The following MECOM variants were observed in gnomAD, a reference collection of about 807,000 sequenced individuals.
MECOM encodes histone-lysine N-methyltransferase MECOM.
Under a neutral mutation model 116.3 loss-of-function variants are expected in MECOM, and 13 were observed. The observed-to-expected ratio is 0.11, with a 90% CI of 0.07 to 0.18. The LOEUF is 0.18. Ranked by LOEUF, MECOM falls within the 10% of genes least tolerant of loss-of-function variation. The probability of loss-of-function intolerance (pLI) is 1.00; values close to 1 mark genes in which losing one functional copy is unlikely to be tolerated. For missense variants in MECOM, 1,299 were observed against 1,509.0 expected (o/e 0.86, Z 2.31); for synonymous variants, 528 against 535.2 (o/e 0.99, Z 0.19).
chr3:169,097,842 G>A lies in MECOM; in HGVS notation c.2850-2597C>T, dbSNP rs1237922071. The stretch of plus-strand genomic sequence containing the variant: ...TAAAAAAAAAAAAAAAAAAAAAAAG[G>A]TGGATTCCACTGTCAAGGAGCTTGT... On this transcript the variant is annotated intron_variant, in intron 12 of 16. Coordinates refer to ENST00000651503, the MANE Select transcript of MECOM (RefSeq NM_004991.4). 1.4e-4 allele frequency among the ~76,000 whole-genome samples: 7 copies of A among 51,708 alleles called. No homozygotes were observed. In the Admixed American group the frequency reaches 1.7e-3, roughly 13 times the overall value. 33.9% of individuals were successfully genotyped at this position (51,708 alleles called of 152,430 possible). A position where few individuals can be genotyped will look rare whatever the true frequency, so the allele number is the denominator to read the frequency against.
intron 12 of MECOM, among the ~76,000 whole-genome samples, chr3:169,098,291 T>C (rs1482543769): frequency 6.6e-6 from 1 of 152,226 alleles, no homozygotes; most frequent in Admixed American, 6.5e-5. Context: ...CTGTCATGTC[T>C]CCTTAGTTTT....
In MECOM at chr3:169,584,513, A is replaced by C. The variant is rs535072284; in HGVS notation, c.37+78823T>G. On this transcript the variant is annotated intron_variant, in intron 1 of 16. Coordinates refer to ENST00000651503, the MANE Select transcript of MECOM (RefSeq NM_004991.4). ...CCAAGAGGTGGAGCTTGCAGTGAGCAGAGATGGCGCCGCTGCACTCCAGCC... is the reference window on the plus strand; with the variant it reads ...CCAAGAGGTGGAGCTTGCAGTGAGCCGAGATGGCGCCGCTGCACTCCAGCC... Among the ~76,000 whole-genome samples the C allele has an allele frequency of 7.7e-4, 117 of 151,290 alleles. 1 individual carries two copies. The highest frequency in any genetic ancestry group is 1.5e-3 in the South Asian group (7 of 4,772).
intron 2 of MECOM, among the ~76,000 whole-genome samples, chr3:169,186,241 G>A (rs915780669): frequency 6.6e-6 from 1 of 151,642 alleles, no homozygotes; most frequent in Non-Finnish European, 1.5e-5. Context: ...CAGTATATGG[G>A]CTAAAACATT....
intron 1 of MECOM, among the ~76,000 whole-genome samples, chr3:169,514,665 G>A (rs1246777878): frequency 1.3e-5 from 2 of 152,128 alleles, no homozygotes; most frequent in Non-Finnish European, 2.9e-5. Context: ...TCTTGCATGC[G>A]ATAGGACAGT....
intron 1 of MECOM, among the ~76,000 whole-genome samples, chr3:169,411,548 C>T (rs567294339): frequency 5.3e-5 from 8 of 152,300 alleles, no homozygotes; most frequent in Middle Eastern, 3.4e-3. Flanking sequence ...TCCTGACGTC[C>T]GCACTCTGAG....
At chr3:169,445,692 G>A (rs188520073) in intron 1 of MECOM, among the ~76,000 whole-genome samples, 162 of 152,222 alleles carry the variant, frequency 1.1e-3, no homozygotes, top group Non-Finnish European at 1.1e-3. Context: ...TAGATCCACC[G>A]ACAGCTTGCC....
At chr3:169,370,376 A>G (rs1186316473) in intron 2 of MECOM, among the ~76,000 whole-genome samples, 1 of 152,054 alleles carries the variant, frequency 6.6e-6, no homozygotes. Flanking sequence ...AACTCAACTC[A>G]AAATGGATTA....
chr3:169,389,642 C>T (rs1733921041), intron 1 of MECOM: 6 of 956,892 alleles, frequency 6.3e-6, no homozygotes, highest in Non-Finnish European at 7.5e-6. Context: ...AAAGTAGAAC[C>T]GTCCTGAATT....
chr3:169,356,662 C>T (rs550625656), intron 2 of MECOM, among the ~76,000 whole-genome samples: 4 of 152,046 alleles, frequency 2.6e-5, no homozygotes, highest in Non-Finnish European at 4.4e-5. Context: ...TTTCTATACT[C>T]GCTCAGCAAT....
At chr3:169,246,527 C>CTTT (rs11454849) in intron 2 of MECOM, among the ~76,000 whole-genome samples, 21 of 131,334 alleles carry the variant, frequency 1.6e-4, no homozygotes, top group African/African-American at 2.3e-4. Context: ...TACACATACA[C>CTTT]TTTTTTTTTT....
At chr3:169,636,294 C>G (rs561257495) in intron 1 of MECOM, among the ~76,000 whole-genome samples, 22 of 152,340 alleles carry the variant, frequency 1.4e-4, no homozygotes, top group African/African-American at 4.6e-4. Flanking sequence ...CAAGTTTTCA[C>G]TATCTATTCC....
chr3:169,152,160 C>T (rs182084889), intron 2 of MECOM, among the ~76,000 whole-genome samples: 7 of 151,928 alleles, frequency 4.6e-5, no homozygotes, highest in African/African-American at 7.3e-5. Flanking sequence ...TGTGACTGTC[C>T]GTAGCCCCAC....
intron 2 of MECOM, among the ~76,000 whole-genome samples, chr3:169,291,351 A>G (rs995972465): frequency 3.3e-5 from 5 of 152,234 alleles, no homozygotes; most frequent in African/African-American, 1.2e-4. Flanking sequence ...AACTAATTGT[A>G]ACATGACATA....
At chr3:169,588,220 A>T (rs1221259818) in intron 1 of MECOM, among the ~76,000 whole-genome samples, 1 of 152,322 alleles carries the variant, frequency 6.6e-6, no homozygotes. Context: ...CAGAGTAAAT[A>T]ACAAAATAAG....
intron 2 of MECOM, among the ~76,000 whole-genome samples, chr3:169,303,632 A>G (rs761794394): frequency 6.6e-6 from 1 of 152,212 alleles, no homozygotes; most frequent in Non-Finnish European, 1.5e-5. Context: ...ATCAACCAGA[A>G]GCAGCCCCAA....
At chr3:169,439,143 T>G (rs190433263) in intron 1 of MECOM, among the ~76,000 whole-genome samples, 126 of 147,212 alleles carry the variant, frequency 8.6e-4, no homozygotes, top group African/African-American at 2.9e-3. Context: ...TTAATATAGT[T>G]AATATATTAT....
chr3:169,136,035 A>C (rs1220463552), intron 3 of MECOM, among the ~76,000 whole-genome samples: 1 of 151,822 alleles, frequency 6.6e-6, no homozygotes, highest in Non-Finnish European at 1.5e-5. Context: ...GTATATAGAA[A>C]TTAAATGCCC....
At chr3:169,563,460 C>A (rs991182815) in intron 1 of MECOM, among the ~76,000 whole-genome samples, 5 of 152,184 alleles carry the variant, frequency 3.3e-5, no homozygotes, top group African/African-American at 1.2e-4. Context: ...TTGAAAACAT[C>A]TTTTGTGAAC....
intron 3 of MECOM, chr3:169,131,960 G>C (rs1734858736): frequency 1.0e-6 from 1 of 993,190 alleles, no homozygotes; most frequent in Non-Finnish European, 1.2e-6. Flanking sequence ...ACTTAAGCAA[G>C]TTTGCAAAAG....
Sources: allele counts gnomAD v4.1 joint callset (sites outside exome capture counted in the v4.1 genomes callset), GRCh38; gene constraint gnomAD v4.1.1; transcripts MANE v1.5; gene names NCBI Gene and HGNC (gene_info 2026-07-23, HGNC 2026-07-21).